Variants in OSBPL1A observed in about 807,000 individuals in gnomAD.
OSBPL1A encodes the protein oxysterol binding protein like 1A.
In OSBPL1A, 80 loss-of-function variants were observed where a neutral mutation model predicts 137.1. The ratio of observed to expected loss-of-function variants is 0.58; its 90% CI spans 0.49 to 0.70. OSBPL1A has a LOEUF of 0.70. OSBPL1A is among the 30% of genes least tolerant of loss of function. OSBPL1A has a pLI of 0.00. For missense variants in OSBPL1A, 970 were observed against 1,129.4 expected (o/e 0.86, Z 2.02); for synonymous variants, 365 against 389.7 (o/e 0.94, Z 0.75).
At chr18:24,187,952 T>C (rs1358375028) in intron 18 of OSBPL1A, among the ~76,000 whole-genome samples, 2 of 152,230 alleles carry the variant, frequency 1.3e-5, no homozygotes, top group African/African-American at 2.4e-5. Flanking sequence ...TCAGCTCCCT[T>C]CCTGTTTTCT....
intron 1 of OSBPL1A, among the ~76,000 whole-genome samples, chr18:24,382,837 C>T (rs1036915161): frequency 3.3e-5 from 5 of 151,954 alleles, no homozygotes; most frequent in Admixed American, 3.3e-4. Flanking sequence ...GATCACGCCA[C>T]TGCACTTTAG....
Position 24,170,295 on chromosome 18 carries a change from AT to A in OSBPL1A, c.2418+31del, listed in dbSNP as rs754281135. 3.0e-5 allele frequency: 49 copies of A among 1,612,876 alleles called. No homozygotes were observed. In the African/African-American group the frequency reaches 6.0e-4, roughly 20 times the overall value. On this transcript the variant is annotated intron_variant, in intron 24 of 27. Transcript: ENST00000319481. The stretch of plus-strand genomic sequence containing the variant: ...TTAGTACACATTGAAGAATCCAGTT[AT>A]TCCTTCGATACCACCTTACAGGATG...
At position 24,200,509 on chromosome 18, in the gene OSBPL1A, C is replaced by T. The variant is rs908046181; in HGVS notation, c.1602-4309G>A. Among the ~76,000 whole-genome samples the T allele has an allele frequency of 4.7e-5, 7 of 148,374 alleles. No homozygotes were observed. The Admixed American group carries it at 4.8e-4, about 10-fold the overall frequency. On this transcript the variant is annotated intron_variant, in intron 17 of 27. Coordinates refer to ENST00000319481, the MANE Select transcript of OSBPL1A (RefSeq NM_080597.4). ...CCTGGGAAGCGGAGGTTGCAGTGAG[C>T]TGAGATTGCGTCACTGCACTCCAGC...
chr18:24,174,828 C>T (rs2086381903), intron 21 of OSBPL1A, among the ~76,000 whole-genome samples: 1 of 151,548 alleles, frequency 6.6e-6, no homozygotes, highest in Non-Finnish European at 1.5e-5. Context: ...GGATGGAGTG[C>T]AGTGGTGGAT....
At chr18:24,247,856 A>G (rs2088950362) in intron 15 of OSBPL1A, among the ~76,000 whole-genome samples, 1 of 152,210 alleles carries the variant, frequency 6.6e-6, no homozygotes. Context: ...CTGCTCAAAA[A>G]AGGAGGAGAA....
intron 14 of OSBPL1A, among the ~76,000 whole-genome samples, chr18:24,283,345 T>C (rs1489744909): frequency 7.0e-6 from 1 of 142,884 alleles, no homozygotes; most frequent in African/African-American, 2.6e-5. Context: ...CACACACACA[T>C]ATGGATATGA....
chr18:24,364,204 A>G (rs1424904629), intron 4 of OSBPL1A, among the ~76,000 whole-genome samples: 1 of 152,178 alleles, frequency 6.6e-6, no homozygotes, highest in East Asian at 1.9e-4. Flanking sequence ...AAAGAACTGG[A>G]GTAGGAGTAG....
intron 2 of OSBPL1A, among the ~76,000 whole-genome samples, chr18:24,371,335 ACC>A (rs1444674501): frequency 6.6e-6 from 1 of 152,194 alleles, no homozygotes; most frequent in African/African-American, 2.4e-5. Flanking sequence ...CAAGCCTTTT[ACC>A]GAGACAACTC....
chr18:24,314,555 CTTAG>C (rs1353513540), intron 11 of OSBPL1A, among the ~76,000 whole-genome samples: 1 of 152,190 alleles, frequency 6.6e-6, no homozygotes, highest in African/African-American at 2.4e-5. Context: ...CTCTCAACTT[CTTAG>C]TTACTCAACA....
intron 1 of OSBPL1A, 101 bp from the exon 2 acceptor site, chr18:24,377,636 G>T: frequency 8.2e-7 from 1 of 1,224,836 alleles, no homozygotes; most frequent in South Asian, 1.6e-5. Flanking sequence ...TCATTTTGCA[G>T]CTGATAAGAC....
At chr18:24,264,738 T>G (rs1426825395) in intron 15 of OSBPL1A, among the ~76,000 whole-genome samples, 1 of 152,224 alleles carries the variant, frequency 6.6e-6, no homozygotes, top group Non-Finnish European at 1.5e-5. Context: ...GTAGCTTATA[T>G]AGATGGCCAC....
chr18:24,390,804 T>G (rs1353725427), intron 1 of OSBPL1A, among the ~76,000 whole-genome samples: 2 of 151,704 alleles, frequency 1.3e-5, no homozygotes, highest in Non-Finnish European at 2.9e-5. Context: ...TTCAGCAGAT[T>G]CAGGTAACTT....
At chr18:24,250,174 G>T (rs368499979) in intron 15 of OSBPL1A, among the ~76,000 whole-genome samples, 25,180 of 73,130 alleles carry the variant, frequency 0.34, 4,035 homozygotes, top group Non-Finnish European at 0.46. Context: ...TTGTTTGTTT[G>T]TTTGTTTGTT....
intron 24 of OSBPL1A, among the ~76,000 whole-genome samples, chr18:24,168,739 C>T (rs1046743234): frequency 2.6e-5 from 4 of 152,048 alleles, no homozygotes; most frequent in South Asian, 2.1e-4. Flanking sequence ...TGTTCAGGAA[C>T]GTCAGAAATC....
rs116189155 is a variant in OSBPL1A at position 24,326,809 on chromosome 18, T to C, written c.625+6133A>G. ...ATTACTTAAAACTTTTTAAAAAATA[T>C]ATGTTACTATGAAACATTAACAACT... is the stretch of plus-strand genomic sequence containing the variant. On this transcript the variant is annotated intron_variant, in intron 7 of 27. Coordinates refer to ENST00000319481, the MANE Select transcript of OSBPL1A (RefSeq NM_080597.4). Among the ~76,000 whole-genome samples the C allele has an allele frequency of 8.9e-3, 1,357 of 152,328 alleles. 19 individuals are homozygous for C. The highest frequency in any genetic ancestry group is 0.031 in the African/African-American group (1,293 of 41,578).
At chr18:24,175,137 C>T (rs60850112) in intron 21 of OSBPL1A, among the ~76,000 whole-genome samples, 1,943 of 51,112 alleles carry the variant, frequency 0.038, 123 homozygotes, top group African/African-American at 0.13. Flanking sequence ...TATATATATA[C>T]ACATATATAT....
chr18:24,392,952 C>T (rs746366516), intron 1 of OSBPL1A, among the ~76,000 whole-genome samples: 4 of 152,138 alleles, frequency 2.6e-5, no homozygotes, highest in Non-Finnish European at 4.4e-5. Context: ...TGCCTTCCAA[C>T]GTGCTGGAAT....
At position 24,225,095 on chromosome 18, in the gene OSBPL1A, T is replaced by A. The variant is rs2088028953; in HGVS notation, c.1548A>T (p.Glu516Asp). The change falls in exon 17 of 28, where the codon GAA (glutamate) becomes GAT (aspartate). Residue 516 changes from glutamate to aspartate, a missense_variant. By Grantham distance (45) the Glu-to-Asp change is conservative. Coordinates refer to ENST00000319481, the MANE Select transcript of OSBPL1A (RefSeq NM_080597.4). ...HLGSRKHRMS[E>D]EKDCGGGDAL... is the part of the protein sequence containing the mutation. ...CATCTCCGCCACCACAGTCTTTTTC[T>A]TCGGACATTCTGTGTTTTCTACTGC... 1 of 1,614,088 alleles carries A rather than the reference T, an allele frequency of 6.2e-7. No homozygotes were observed. The highest frequency in any genetic ancestry group is 1.3e-5 in the African/African-American group (1 of 74,944).
Position 24,166,581 on chromosome 18 carries a change from ATCTC to A in OSBPL1A, c.2653_2656del (p.Glu885Ter). 6.2e-7 allele frequency: 1 copy of A among 1,607,660 alleles called. No homozygotes were observed. On this transcript the variant is annotated frameshift_variant, in exon 26 of 28. Transcript: ENST00000319481. LOFTEE classifies it high-confidence loss of function. The stretch of plus-strand genomic sequence containing the variant: ...TGGCTTTGGCGGATGCTAGTTACCT[ATCTC>A]TCCATTTTCCATGGCTCTGATGTCA...
Sources: gnomAD v4.1 joint callset for allele counts (sites outside exome capture counted in the v4.1 genomes callset) on GRCh38, gnomAD v4.1.1 for gene constraint, MANE v1.5 for transcripts, NCBI Gene and HGNC (gene_info 2026-07-23, HGNC 2026-07-21) for gene names.